The following PTPRT variants were observed in gnomAD, a reference collection of about 807,000 sequenced individuals.
The protein encoded by PTPRT is protein tyrosine phosphatase receptor type T.
In PTPRT, 56 loss-of-function variants were observed where a neutral mutation model predicts 176.8. The observed-to-expected ratio is 0.32, with a 90% CI of 0.26 to 0.40. The LOEUF is 0.40. PTPRT is among the 10% of genes least tolerant of loss of function. The pLI is 1.00. For missense variants in PTPRT, 1,540 were observed against 1,908.2 expected, an observed-to-expected ratio of 0.81 and a Z score of 3.60; for synonymous variants, 783 against 739.0, an observed-to-expected ratio of 1.06 and a Z score of -0.96.
At chr20:43,077,196 G>A (rs1362386936) in intron 1 of PTPRT, among the ~76,000 whole-genome samples, 1 of 152,156 alleles carries the variant, frequency 6.6e-6, no homozygotes, top group African/African-American at 2.4e-5. Flanking sequence ...TGGCAATCAT[G>A]ACACCCAACA....
At chr20:43,034,109 C>A (rs1321457392) in intron 1 of PTPRT, among the ~76,000 whole-genome samples, 1 of 152,254 alleles carries the variant, frequency 6.6e-6, no homozygotes. Context: ...TCTTTCCTGA[C>A]TGTGTGTTCC....
At chr20:42,837,792 A>G (rs1026322105) in intron 2 of PTPRT, among the ~76,000 whole-genome samples, 1 of 152,134 alleles carries the variant, frequency 6.6e-6, no homozygotes, top group Admixed American at 6.5e-5. Flanking sequence ...CAGGAAAGAG[A>G]TGATGGTATC....
chr20:43,023,414 C>T (rs148330143), intron 1 of PTPRT, among the ~76,000 whole-genome samples: 1 of 152,282 alleles, frequency 6.6e-6, no homozygotes, highest in African/African-American at 2.4e-5. Flanking sequence ...GTGCTCATCC[C>T]CTCTGACAGG....
At chr20:42,946,211 CT>C (rs2146003807) in intron 1 of PTPRT, among the ~76,000 whole-genome samples, 1 of 152,266 alleles carries the variant, frequency 6.6e-6, no homozygotes, top group Non-Finnish European at 1.5e-5. Flanking sequence ...AAATTTTCTC[CT>C]TCTGCAACAG....
At chr20:42,735,153 G>T (rs1051492191) in intron 6 of PTPRT, among the ~76,000 whole-genome samples, 5 of 152,342 alleles carry the variant, frequency 3.3e-5, no homozygotes, top group African/African-American at 1.2e-4. Context: ...TTGAAGCTCA[G>T]ATAAGGTTGG....
chr20:42,577,331 C>T (rs982997511), intron 7 of PTPRT, among the ~76,000 whole-genome samples: 14 of 152,250 alleles, frequency 9.2e-5, no homozygotes, highest in Middle Eastern at 3.4e-3. Flanking sequence ...CTGCACAAGG[C>T]GGATGAGCAA....
intron 2 of PTPRT, among the ~76,000 whole-genome samples, chr20:42,865,146 T>C (rs756508997): frequency 2.0e-4 from 31 of 152,186 alleles, no homozygotes; most frequent in Admixed American, 1.9e-3. Context: ...GAACAAAGTA[T>C]GCCACAGCAG....
At position 42,350,635 on chromosome 20, in the gene PTPRT, G is replaced by A. The variant is rs867428378; in HGVS notation, c.1858C>T (p.Pro620Ser). Residue 620 changes from proline to serine, a missense_variant, in exon 11 of 31, where the codon CCT (proline) becomes TCT (serine). This residue lies in a region of PTPRT where 81 missense variants were observed against 89.9 expected (regional missense o/e 0.90). Transcript: ENST00000373187. ...GTGAAGAACCATCCTCACCTGACAG[G>A]AGCTCCCCGGGACTGAGCGGGTTTC... The part of the protein sequence containing the change: ...MLKPAQSRGA[P>S]VSVYQLVVKE... 1 of 1,607,034 alleles carries A rather than the reference G, an allele frequency of 6.2e-7. No homozygotes were observed. The highest frequency in any genetic ancestry group is 8.5e-7 in the Non-Finnish European group (1 of 1,173,692).
At chr20:42,056,964 C>T in the PTPRT span, among the ~76,000 whole-genome samples, 3 of 152,206 alleles carry the variant, frequency 2.0e-5, no homozygotes, top group Non-Finnish European at 4.4e-5. Context: ...TCATCCCTTC[C>T]TCTGGGAAGC....
At chr20:42,246,967 T>C (rs1293646705) in intron 14 of PTPRT, among the ~76,000 whole-genome samples, 4 of 152,202 alleles carry the variant, frequency 2.6e-5, no homozygotes, top group Non-Finnish European at 5.9e-5. Context: ...AGTCATATAC[T>C]ACCCTATGTA....
chr20:43,012,864 G>A (rs1379320613), intron 1 of PTPRT, among the ~76,000 whole-genome samples: 1 of 152,038 alleles, frequency 6.6e-6, no homozygotes, highest in Non-Finnish European at 1.5e-5. Context: ...GTGGAACTGA[G>A]TCTGTGGTGC....
rs1406714876 is a variant in PTPRT at position 42,678,098 on chromosome 20, G to A, written c.921C>T (p.Ile307=). Residue 307 remains isoleucine, a synonymous_variant, in exon 7 of 31, where the codon ATC becomes ATT. Coordinates refer to ENST00000373187, the MANE Select transcript of PTPRT (RefSeq NM_007050.6). ...CGATGATGGAGTTGGCATTTGGCTTGATCCACAGGTATGTGGCCCCCACAG... is the reference window on the plus strand; with the variant it reads ...CGATGATGGAGTTGGCATTTGGCTTAATCCACAGGTATGTGGCCCCCACAG... ...LLAVGATYLW[I]KPNANSIIGD... is the part of the protein sequence containing the mutation. 5.0e-6 allele frequency: 8 copies of A among 1,614,138 alleles called. No homozygotes were observed. The highest frequency in any genetic ancestry group is 1.7e-4 in the Middle Eastern group (1 of 6,060).
Position 42,791,230 on chromosome 20 carries a change from G to C in PTPRT, c.451C>G (p.Leu151Val), listed in dbSNP as rs2145546610. The C allele has an allele frequency of 6.2e-7, 1 of 1,603,200 alleles. No homozygotes were observed. Among genetic ancestry groups the C allele is most frequent in the Non-Finnish European group, 8.5e-7 (1 of 1,172,838 alleles). ...VVTEGWVKAE[L>V]AISTFWPHFY... is the part of the protein sequence containing the mutation. ...TGTGGCCAGAAAGTGCTGATGGCGA[G>C]CTCTGCCTTCACCCAGCCCTCAGTG... The change falls in exon 3 of 31, where the codon CTC becomes GTC. Residue 151 changes from leucine to valine, a missense_variant. Coordinates refer to ENST00000373187, the MANE Select transcript of PTPRT (RefSeq NM_007050.6).
At chr20:43,027,733 AG>A (rs1342167064) in intron 1 of PTPRT, among the ~76,000 whole-genome samples, 3 of 152,180 alleles carry the variant, frequency 2.0e-5, no homozygotes, top group Non-Finnish European at 4.4e-5. Context: ...TAGGACACTC[AG>A]GGTATGGTAA....
At chr20:42,392,881 C>T (rs1034609084) in intron 9 of PTPRT, among the ~76,000 whole-genome samples, 7 of 152,004 alleles carry the variant, frequency 4.6e-5, no homozygotes, top group African/African-American at 1.4e-4. Flanking sequence ...GAAAAGCATA[C>T]GCATCTATTT....
intron 9 of PTPRT, among the ~76,000 whole-genome samples, chr20:42,425,005 C>T (rs1041040457): frequency 1.3e-5 from 2 of 151,784 alleles, no homozygotes; most frequent in Non-Finnish European, 2.9e-5. Flanking sequence ...TTTGACATTA[C>T]GGAATTTACT....
At chr20:42,265,570 GC>G (rs1433635198) in intron 13 of PTPRT, among the ~76,000 whole-genome samples, 1 of 152,056 alleles carries the variant, frequency 6.6e-6, no homozygotes, top group African/African-American at 2.4e-5. Context: ...GACAGGCTGT[GC>G]CCCTGCCTCT....
intron 1 of PTPRT, among the ~76,000 whole-genome samples, chr20:43,100,557 G>A (rs2012356058): frequency 6.6e-6 from 1 of 151,948 alleles, no homozygotes; most frequent in Non-Finnish European, 1.5e-5. Context: ...GAACCTGAAG[G>A]ATTCCCCCAA....
chr20:42,303,181 T>C (rs6102764), intron 12 of PTPRT, among the ~76,000 whole-genome samples: 4,560 of 152,346 alleles, frequency 0.03, 235 homozygotes, highest in African/African-American at 0.11. Flanking sequence ...TAATGATTCC[T>C]GCTCTGTAAG....
Sources: gnomAD v4.1 joint callset for allele counts (sites outside exome capture counted in the v4.1 genomes callset) on GRCh38, gnomAD v4.1.1 for gene constraint, gnomAD v4.1.1 regional missense constraint, MANE v1.5 for transcripts, NCBI Gene and HGNC (gene_info 2026-07-23, HGNC 2026-07-21) for gene names.